The following SMOX variants were observed in gnomAD, a reference collection of about 807,000 sequenced individuals.
SMOX encodes spermine oxidase, also known as flavin containing amine oxidase.
In SMOX, 22 loss-of-function variants were observed where a neutral mutation model predicts 51.0. That is an observed-to-expected ratio of 0.43 (90% confidence interval 0.31 to 0.62). SMOX has a LOEUF of 0.62. Among genes scored for constraint, SMOX ranks in the 20% least tolerant of loss-of-function variants. The probability of loss-of-function intolerance (pLI) is 0.10; values close to 1 mark genes in which losing one functional copy is unlikely to be tolerated. For synonymous variants in SMOX, 282 were observed against 307.8 expected (o/e 0.92, Z 0.88); for missense variants, 566 against 777.7 (o/e 0.73, Z 3.24).
rs1339391147 is a variant in SMOX, at chr20:4,187,077, G to A, written c.1531-193G>A. Among the ~76,000 whole-genome samples the A allele has an allele frequency of 6.6e-6, 1 of 152,190 alleles. No individual in the cohort carries two copies. The highest frequency in any genetic ancestry group is 6.5e-5 in the Admixed American group (1 of 15,278). Reference sequence around the variant, plus strand: ...TCCTAATGGCCTCAAGACAGAAAGAGCCAAGGGAAGAAGCAGGGGAAAGTG... The same window carrying A: ...TCCTAATGGCCTCAAGACAGAAAGAACCAAGGGAAGAAGCAGGGGAAAGTG... On this transcript the variant is annotated intron_variant, in intron 6 of 6. Coordinates refer to ENST00000305958, the MANE Select transcript of SMOX (RefSeq NM_175839.3). The surrounding 1 kb of genome is among the most constrained non-coding windows in gnomAD (Gnocchi z 4.8).
rs768330229 is a variant in SMOX, at chr20:4,177,052, C to T, written c.209-299C>T. ...CCAGTGAGGAAGTGGGGTCTGATAT[C>T]TGGTGTTACCTGAGAAAAAGGTGGG... On this transcript the variant is annotated intron_variant, in intron 2 of 6. Coordinates refer to ENST00000305958, the MANE Select transcript of SMOX (RefSeq NM_175839.3). This position sits in a 1 kb window ranked among gnomAD's most constrained non-coding sequence, Gnocchi z 4.3. Among the ~76,000 whole-genome samples, 7 of 152,178 alleles carry T rather than the reference C, an allele frequency of 4.6e-5. No individual in the cohort carries two copies. The highest frequency in any genetic ancestry group is 7.3e-5 in the Non-Finnish European group (5 of 68,050).
At chr20:4,178,004 T>C (rs1359646903) in intron 3 of SMOX, among the ~76,000 whole-genome samples, 2 of 152,206 alleles carry the variant, frequency 1.3e-5, no homozygotes, top group Admixed American at 1.3e-4. Context: ...CTTGAAATGA[T>C]GCAAGTAAAA....
chr20:4,165,938 GTGACTA>G (rs1234332629), intron 1 of SMOX, among the ~76,000 whole-genome samples: 1 of 152,212 alleles, frequency 6.6e-6, no homozygotes, highest in Non-Finnish European at 1.5e-5. Context: ...CTGCTGAGAG[GTGACTA>G]TCTATCTGGC....
intron 3 of SMOX, among the ~76,000 whole-genome samples, chr20:4,179,885 A>G (rs1314903984): frequency 2.0e-5 from 3 of 152,190 alleles, no homozygotes; most frequent in African/African-American, 7.2e-5. Flanking sequence ...CTTGGGTCAC[A>G]TTGGGAAGGT....
chr20:4,162,631 C>T (rs571427334), intron 1 of SMOX, among the ~76,000 whole-genome samples: 2 of 152,282 alleles, frequency 1.3e-5, no homozygotes, highest in African/African-American at 4.8e-5. Flanking sequence ...TGCGGAATCT[C>T]CAGGGGCTGA....
At chr20:4,178,884 C>T (rs1979104893) in intron 3 of SMOX, among the ~76,000 whole-genome samples, 2 of 152,006 alleles carry the variant, frequency 1.3e-5, no homozygotes, top group African/African-American at 2.4e-5. Context: ...GGTTTTACCA[C>T]GTTGGTCAGG....
chr20:4,158,806 C>A (rs1032110453), intron 1 of SMOX, among the ~76,000 whole-genome samples: 8 of 152,016 alleles, frequency 5.3e-5, no homozygotes, highest in African/African-American at 1.7e-4. Context: ...ATAACCAGAT[C>A]TCCGGGACAG....
In SMOX at chr20:4,170,565, G is replaced by C. The variant is rs1986781424; in HGVS notation, c.-26-4465G>C. On this transcript the variant is annotated intron_variant, in intron 1 of 6. Transcript: ENST00000305958. This position sits in a 1 kb window ranked among gnomAD's most constrained non-coding sequence, Gnocchi z 4.6. Reference sequence around the variant, plus strand: ...CACTGCAACTAGAGCGTAAATTTCTGAGGGTGTCAAAATGAAATTGGGGAG... The same window carrying C: ...CACTGCAACTAGAGCGTAAATTTCTCAGGGTGTCAAAATGAAATTGGGGAG... Among the ~76,000 whole-genome samples the C allele has an allele frequency of 6.6e-6, 1 of 152,090 alleles. No individual in the cohort carries two copies. The highest frequency in any genetic ancestry group is 2.4e-5 in the African/African-American group (1 of 41,402).
chr20:4,177,629 G>A lies in SMOX; in HGVS notation c.435+52G>A. The A allele has an allele frequency of 6.6e-7, 1 of 1,520,228 alleles. No homozygotes were observed. Among genetic ancestry groups the A allele is most frequent in the Non-Finnish European group, 8.9e-7 (1 of 1,122,886 alleles). 94.2% of individuals were successfully genotyped at this position (1,520,228 alleles called of 1,614,324 possible). On this transcript the variant is annotated intron_variant, in intron 3 of 6. Coordinates refer to ENST00000305958, the MANE Select transcript of SMOX (RefSeq NM_175839.3). The surrounding 1 kb of genome is among the most constrained non-coding windows in gnomAD (Gnocchi z 4.3). ...GTAAGGGCATGGGGAGACCTGGGAG[G>A]TCTGTGATTCTGGTCGTGTCTCTGC... is the stretch of plus-strand genomic sequence containing the variant.
Position 4,182,178 on chromosome 20 carries a change from C to T in SMOX, c.699C>T (p.His233=). The change falls in exon 5 of 7, where the codon CAC becomes CAT. Residue 233 remains histidine, a synonymous_variant. Transcript: ENST00000305958. This position sits in a 1 kb window ranked among gnomAD's most constrained non-coding sequence, Gnocchi z 8.4. ...GEWTEIPGAH[H]IIPSGFMRVV... is the part of the protein sequence containing the mutation. ...GGACCGAGATCCCCGGCGCTCACCA[C>T]ATCATCCCCTCGGGCTTCATGCGGG... 1.2e-6 allele frequency: 2 copies of T among 1,613,592 alleles called. No homozygotes were observed. The highest frequency in any genetic ancestry group is 2.2e-5 in the East Asian group (1 of 44,852).
chr20:4,169,482 C>A (rs1207296136), intron 1 of SMOX, among the ~76,000 whole-genome samples: 1 of 152,188 alleles, frequency 6.6e-6, no homozygotes, highest in Non-Finnish European at 1.5e-5. Flanking sequence ...GGGCACTGCA[C>A]ACCCAGCTGG....
At chr20:4,178,715 C>T (rs1281483222) in intron 3 of SMOX, among the ~76,000 whole-genome samples, 1 of 146,410 alleles carries the variant, frequency 6.8e-6, no homozygotes, top group Non-Finnish European at 1.5e-5. Flanking sequence ...CGGAGTTTCG[C>T]TCTTGTTGTC....
rs1467333571 is a variant in SMOX, at chr20:4,177,514, T to C, written c.372T>C (p.Leu124=). Residue 124 remains leucine, a synonymous_variant, in exon 3 of 7, where the codon CTT becomes CTC. Coordinates refer to ENST00000305958, the MANE Select transcript of SMOX (RefSeq NM_175839.3). This position sits in a 1 kb window ranked among gnomAD's most constrained non-coding sequence, Gnocchi z 4.3. ...LYSKNGVACY[L]TNHGRRIPKD... is the part of the protein sequence containing the mutation. ...CCAAGAATGGCGTGGCCTGCTACCT[T>C]ACCAACCACGGCCGCAGGATCCCCA... 2 of 1,595,050 alleles carry C rather than the reference T, an allele frequency of 1.3e-6. No homozygotes were observed. The highest frequency in any genetic ancestry group is 1.1e-5 in the South Asian group (1 of 88,064).
chr20:4,186,326 C>G (rs2122604545), intron 6 of SMOX, among the ~76,000 whole-genome samples: 1 of 152,232 alleles, frequency 6.6e-6, no homozygotes, highest in East Asian at 1.9e-4. Context: ...TAAATAAAAA[C>G]TGCATTTTAT....
rs992765659 is a variant in SMOX, at chr20:4,183,242, G to A, written c.1370-252G>A. On this transcript the variant is annotated intron_variant, in intron 5 of 6. Coordinates refer to ENST00000305958, the MANE Select transcript of SMOX (RefSeq NM_175839.3). The surrounding 1 kb of genome is among the most constrained non-coding windows in gnomAD (Gnocchi z 4.3). ...ATATTAGGCGGGGAAACATGATTAT[G>A]TGTCATGTGTTTTCAGATAGATAGG... The A allele has an allele frequency of 1.7e-6, 1 of 591,396 alleles. No individual in the cohort carries two copies. The highest frequency in any genetic ancestry group is 3.0e-6 in the Non-Finnish European group (1 of 334,996). 36.6% of individuals were successfully genotyped at this position (591,396 alleles called of 1,614,324 possible).
chr20:4,169,090 G>A (rs1004930034), intron 1 of SMOX, among the ~76,000 whole-genome samples: 2 of 152,114 alleles, frequency 1.3e-5, no homozygotes, highest in African/African-American at 4.8e-5. Context: ...TGGGGCTACA[G>A]GTACATTTCA....
rs2122584862 is a variant in SMOX, at chr20:4,182,903, C to CCTCCT, written c.1369+58_1369+62dup. The stretch of plus-strand genomic sequence containing the variant: ...CCCACCCTGCTTCTTCCTCACCTGC[C>CCTCCT]CTCCTCTGGTGGACCCATGGCAGCT... On this transcript the variant is annotated intron_variant, in intron 5 of 6. Coordinates refer to ENST00000305958, the MANE Select transcript of SMOX (RefSeq NM_175839.3). This position sits in a 1 kb window ranked among gnomAD's most constrained non-coding sequence, Gnocchi z 8.4. 6.4e-7 allele frequency: 1 copy of CCTCCT among 1,551,182 alleles called. No homozygotes were observed. Among genetic ancestry groups the CCTCCT allele is most frequent in the Admixed American group, 1.8e-5 (1 of 56,120 alleles).
In SMOX at chr20:4,182,203, GT is replaced by G; in HGVS notation, c.726del (p.Val243TrpfsTer15). The G allele has an allele frequency of 3.1e-6, 5 of 1,613,688 alleles. No individual in the cohort carries two copies. Among genetic ancestry groups the G allele is most frequent in the Non-Finnish European group, 4.2e-6 (5 of 1,180,008 alleles). On this transcript the variant is annotated frameshift_variant, in exon 5 of 7. Coordinates refer to ENST00000305958, the MANE Select transcript of SMOX (RefSeq NM_175839.3). LOFTEE classifies it high-confidence loss of function. This position sits in a 1 kb window ranked among gnomAD's most constrained non-coding sequence, Gnocchi z 8.4. ...CATCATCCCCTCGGGCTTCATGCGG[GT>G]TGTGGAGCTGCTGGCGGAGGGCATC... ...HHIIPSGFMRVVELLAEGIPA... is the reference protein window; with the variant it reads ...HHIIPSGFMRXVELLAEGIPA...
chr20:4,156,462 C>T (rs922391856), intron 1 of SMOX, among the ~76,000 whole-genome samples: 1 of 152,120 alleles, frequency 6.6e-6, no homozygotes, highest in Non-Finnish European at 1.5e-5. Flanking sequence ...TAAATCTTTG[C>T]CCCCCATGTC....
Sources: gnomAD v4.1 joint callset for allele counts (sites outside exome capture counted in the v4.1 genomes callset) on GRCh38, gnomAD v4.1.1 for gene constraint, Gnocchi (gnomAD v3.1) non-coding constraint, MANE v1.5 for transcripts, NCBI Gene and HGNC (gene_info 2026-07-23, HGNC 2026-07-21) for gene names.